LRMDA: variants seen among roughly 807,000 people sequenced by gnomAD.
LRMDA encodes the protein leucine-rich melanocyte differentiation-associated protein.
Under a neutral mutation model 29.8 loss-of-function variants are expected in LRMDA, and 18 were observed. That is an observed-to-expected ratio of 0.60 (90% CI 0.42 to 0.90). The LOEUF is 0.90. Among genes scored for constraint, LRMDA ranks in the 40% least tolerant of loss-of-function variants. LRMDA has a pLI of 0.00. For missense variants in LRMDA, 273 were observed against 273.9 expected (o/e 1.00, Z 0.02); for synonymous variants, 125 against 109.4 (o/e 1.14, Z -0.89).
chr10:76,325,803 G>C (rs1840827281), intron 6 of LRMDA, among the ~76,000 whole-genome samples: 1 of 152,186 alleles, frequency 6.6e-6, no homozygotes, highest in Admixed American at 6.5e-5. Context: ...GATATGATCA[G>C]ATAGATGATA....
intron 2 of LRMDA, among the ~76,000 whole-genome samples, chr10:76,020,503 T>C (rs1847955862): frequency 6.6e-6 from 1 of 152,196 alleles, no homozygotes; most frequent in South Asian, 2.1e-4. Context: ...AACCTCCAGA[T>C]TGGAAATGGG....
chr10:75,616,526 T>C (rs1841104016), intron 2 of LRMDA, among the ~76,000 whole-genome samples: 4 of 152,210 alleles, frequency 2.6e-5, no homozygotes, highest in Admixed American at 2.6e-4. Flanking sequence ...ATTGTTAATC[T>C]CCACCCCAGA....
At chr10:75,671,871 C>T (rs111421397) in intron 2 of LRMDA, among the ~76,000 whole-genome samples, 341 of 152,278 alleles carry the variant, frequency 2.2e-3, no homozygotes, top group Non-Finnish European at 3.5e-3. Context: ...CACCGTTTCA[C>T]ATGTATTGCT....
intron 2 of LRMDA, among the ~76,000 whole-genome samples, chr10:75,618,378 C>CTG (rs1442553253): frequency 1.6e-5 from 1 of 62,616 alleles, no homozygotes; most frequent in Non-Finnish European, 3.7e-5. Flanking sequence ...CTCTCTCTCT[C>CTG]TCTCTATATA....
chr10:76,274,626 T>C lies in LRMDA; in HGVS notation c.517-49775T>C, dbSNP rs763251525. On this transcript the variant is annotated intron_variant, in intron 5 of 6. Coordinates refer to ENST00000611255, the MANE Select transcript of LRMDA (RefSeq NM_001305581.2). ...ACCACTGAGGTAAAGGTTACGTATTTTATTCTTGTGAGAGCTGCTTTGCTA... is the reference window on the plus strand; with the variant it reads ...ACCACTGAGGTAAAGGTTACGTATTCTATTCTTGTGAGAGCTGCTTTGCTA... Among the ~76,000 whole-genome samples the C allele has an allele frequency of 2.6e-5, 4 of 151,786 alleles. No individual in the cohort carries two copies. In the East Asian group the frequency reaches 7.7e-4, roughly 29 times the overall value.
At chr10:76,154,222 A>G (rs1212325996) in intron 5 of LRMDA, among the ~76,000 whole-genome samples, 2 of 152,176 alleles carry the variant, frequency 1.3e-5, no homozygotes, top group Non-Finnish European at 2.9e-5. Context: ...ATCCTGTTTA[A>G]TACTTATGTA....
chr10:75,863,134 T>A (rs571197532), intron 2 of LRMDA, among the ~76,000 whole-genome samples: 1 of 152,302 alleles, frequency 6.6e-6, no homozygotes, highest in East Asian at 1.9e-4. Flanking sequence ...ATGAGATGAA[T>A]GTTGGATTCC....
chr10:76,541,474 G>A (rs1031242850), intron 6 of LRMDA, among the ~76,000 whole-genome samples: 16 of 152,152 alleles, frequency 1.1e-4, no homozygotes, highest in Non-Finnish European at 2.1e-4. Context: ...GCTCCAGCCA[G>A]GGCGACAGGA....
chr10:76,510,403 C>A (rs1333483117), intron 6 of LRMDA, among the ~76,000 whole-genome samples: 1 of 108,724 alleles, frequency 9.2e-6, no homozygotes, highest in Non-Finnish European at 2.3e-5. Flanking sequence ...AGACATAAAC[C>A]TGTGGCATGC....
In LRMDA at chr10:76,476,046, G is replaced by A. The variant is rs1353117875; in HGVS notation, c.602-81163G>A. 2.6e-5 allele frequency among the ~76,000 whole-genome samples: 4 copies of A among 152,006 alleles called. No individual in the cohort carries two copies. The East Asian group carries it at 7.7e-4, about 29-fold the overall frequency. On this transcript the variant is annotated intron_variant, in intron 6 of 6. Transcript: ENST00000611255. ...CTAGCAGAAGGCAAGAAATAACTAA[G>A]ATCAGAGCAGAACTGAAGGAGATAG...
At chr10:76,124,475 T>G (rs73285224) in intron 5 of LRMDA, among the ~76,000 whole-genome samples, 3,029 of 152,336 alleles carry the variant, frequency 0.02, 108 homozygotes, top group African/African-American at 0.069. Flanking sequence ...GAACAAACAG[T>G]GGAGTAATGT....
At chr10:75,667,091 T>C (rs1484265283) in intron 2 of LRMDA, among the ~76,000 whole-genome samples, 2 of 152,184 alleles carry the variant, frequency 1.3e-5, no homozygotes, top group Non-Finnish European at 2.9e-5. Context: ...TTTTTGAAAC[T>C]GTGTGCTATA....
chr10:76,017,949 C>T (rs1269209102), intron 2 of LRMDA, among the ~76,000 whole-genome samples: 1 of 152,196 alleles, frequency 6.6e-6, no homozygotes, highest in Non-Finnish European at 1.5e-5. Flanking sequence ...GTCTGTCAAT[C>T]TTGTCTTCTC....
chr10:76,272,456 A>G (rs938693458), intron 5 of LRMDA, among the ~76,000 whole-genome samples: 3 of 152,152 alleles, frequency 2.0e-5, no homozygotes, highest in African/African-American at 4.8e-5. Flanking sequence ...TTTTATACGT[A>G]CCATGAATGG....
At chr10:76,543,144 A>G (rs1843377523) in intron 6 of LRMDA, among the ~76,000 whole-genome samples, 2 of 152,148 alleles carry the variant, frequency 1.3e-5, no homozygotes, top group Admixed American at 1.3e-4. Flanking sequence ...GGAACCCTTC[A>G]CTGAGACCTG....
chr10:75,642,959 G>A (rs1046799212), intron 2 of LRMDA: 1 of 152,138 alleles, frequency 6.6e-6, no homozygotes. Flanking sequence ...GCTTGTCTCT[G>A]GTCCACAAGC....
intron 5 of LRMDA, among the ~76,000 whole-genome samples, chr10:76,101,535 G>C (rs2132102706): frequency 6.6e-6 from 1 of 152,268 alleles, no homozygotes; most frequent in East Asian, 1.9e-4. Flanking sequence ...CCAGGAGTTT[G>C]AGAACAGCCT....
intron 2 of LRMDA, among the ~76,000 whole-genome samples, chr10:75,632,782 G>GGT (rs1841340908): frequency 2.3e-5 from 1 of 43,256 alleles, no homozygotes; most frequent in African/African-American, 8.5e-5. Flanking sequence ...GTTTAGTTTA[G>GGT]TTTTTTTTTT....
At chr10:75,979,846 C>T (rs1302038979) in intron 2 of LRMDA, among the ~76,000 whole-genome samples, 4 of 152,106 alleles carry the variant, frequency 2.6e-5, no homozygotes, top group African/African-American at 9.7e-5. Context: ...ACACAACAGG[C>T]AAAAGCTAGT....
Sources: allele counts gnomAD v4.1 joint callset (sites outside exome capture counted in the v4.1 genomes callset), GRCh38; gene constraint gnomAD v4.1.1; transcripts MANE v1.5; gene names NCBI Gene and HGNC (gene_info 2026-07-23, HGNC 2026-07-21).